SYT1: variants seen among roughly 807,000 people sequenced by gnomAD.
The protein encoded by SYT1 is synaptotagmin 1, also known as synaptotagmin-1.
SYT1 carries 8 observed loss-of-function variants against 44.8 expected under a neutral mutation model. The ratio of observed to expected loss-of-function variants is 0.18; its 90% CI spans 0.10 to 0.32. SYT1 has a LOEUF of 0.32. Ranked by LOEUF, SYT1 falls within the 10% of genes least tolerant of loss-of-function variation. The pLI, the probability that SYT1 is intolerant of heterozygous loss-of-function variation, is 1.00. For synonymous variants in SYT1, 154 were observed against 188.8 expected (o/e 0.82, Z 1.51); for missense variants, 286 against 509.3 (o/e 0.56, Z 4.22).
At chr12:78,914,251 A>G (rs1876514533) in intron 1 of SYT1, among the ~76,000 whole-genome samples, 1 of 151,864 alleles carries the variant, frequency 6.6e-6, no homozygotes, top group African/African-American at 2.4e-5. Context: ...TATTGCAGTG[A>G]AGATACCCTG....
intron 9 of SYT1, among the ~76,000 whole-genome samples, chr12:79,355,144 G>C (rs2136011455): frequency 6.6e-6 from 1 of 152,236 alleles, no homozygotes; most frequent in South Asian, 2.1e-4. Flanking sequence ...TCCACCGTCT[G>C]TCCCCTTCTC....
chr12:79,395,701 T>C (rs987985101), intron 9 of SYT1, among the ~76,000 whole-genome samples: 1 of 151,938 alleles, frequency 6.6e-6, no homozygotes, highest in African/African-American at 2.4e-5. Flanking sequence ...CAGACTTTGA[T>C]AGTAGTCTAC....
intron 8 of SYT1, among the ~76,000 whole-genome samples, chr12:79,310,907 G>C (rs966053419): frequency 7.9e-5 from 12 of 152,220 alleles, no homozygotes; most frequent in Non-Finnish European, 1.5e-4. Flanking sequence ...AGCTGAAGGA[G>C]ATTTTGGGCT....
At chr12:79,372,234 A>G (rs1276760667) in intron 9 of SYT1, among the ~76,000 whole-genome samples, 1 of 152,176 alleles carries the variant, frequency 6.6e-6, no homozygotes, top group African/African-American at 2.4e-5. Flanking sequence ...GTAGGCCCCC[A>G]TGAAGAAATT....
At chr12:79,215,147 G>T (rs1012819002) in intron 3 of SYT1, among the ~76,000 whole-genome samples, 1 of 152,110 alleles carries the variant, frequency 6.6e-6, no homozygotes, top group Non-Finnish European at 1.5e-5. Context: ...CTTCTGGGAC[G>T]TGACTTGAGT....
chr12:79,213,238 A>G (rs1874571508), intron 3 of SYT1, among the ~76,000 whole-genome samples: 1 of 152,178 alleles, frequency 6.6e-6, no homozygotes, highest in Non-Finnish European at 1.5e-5. Flanking sequence ...AGGCAGACAG[A>G]GTGTATATAC....
chr12:79,028,835 T>G (rs896989714), intron 2 of SYT1, among the ~76,000 whole-genome samples: 1 of 151,410 alleles, frequency 6.6e-6, no homozygotes, highest in South Asian at 2.1e-4. Context: ...AAAACTTCAC[T>G]TTACCCATGA....
intron 1 of SYT1, chr12:78,955,517 G>A (rs994483516): frequency 3.3e-5 from 5 of 152,114 alleles, no homozygotes; most frequent in African/African-American, 9.7e-5. Flanking sequence ...TCTGGTGAGA[G>A]CCCATTCCTT....
chr12:79,346,513 T>C (rs1882614134), intron 8 of SYT1, among the ~76,000 whole-genome samples: 1 of 152,170 alleles, frequency 6.6e-6, no homozygotes, highest in South Asian at 2.1e-4. Flanking sequence ...AAATTCCTAA[T>C]AGTAATAAGG....
At chr12:78,930,558 T>A (rs1025459068) in intron 1 of SYT1, among the ~76,000 whole-genome samples, 43 of 151,940 alleles carry the variant, frequency 2.8e-4, no homozygotes, top group African/African-American at 1.0e-3. Context: ...CCAAGAATGG[T>A]CATTCAATTT....
At chr12:79,423,833 G>A (rs1869267607) in intron 9 of SYT1, among the ~76,000 whole-genome samples, 1 of 151,878 alleles carries the variant, frequency 6.6e-6, no homozygotes, top group Non-Finnish European at 1.5e-5. Context: ...GAGAGAGGAA[G>A]GTGAGAGTGA....
At chr12:79,166,254 G>A (rs1217681174) in intron 3 of SYT1, among the ~76,000 whole-genome samples, 1 of 151,940 alleles carries the variant, frequency 6.6e-6, no homozygotes, top group Non-Finnish European at 1.5e-5. Context: ...AATTGTCAGA[G>A]TCAGTCTGTC....
chr12:79,119,479 G>A (rs76481057), intron 3 of SYT1, among the ~76,000 whole-genome samples: 1 of 148,010 alleles, frequency 6.8e-6, no homozygotes. Flanking sequence ...CACATAAGGT[G>A]TTTTTTTTTT....
At chr12:79,185,270 C>T (rs1188529675) in intron 3 of SYT1, among the ~76,000 whole-genome samples, 1 of 152,028 alleles carries the variant, frequency 6.6e-6, no homozygotes, top group Non-Finnish European at 1.5e-5. Flanking sequence ...AAATTAAATG[C>T]TACTTAAATT....
chr12:78,890,116 AT>A (rs146112032), intron 1 of SYT1, among the ~76,000 whole-genome samples: 4 of 151,960 alleles, frequency 2.6e-5, no homozygotes, highest in African/African-American at 9.6e-5. Context: ...CAAAAATAAT[AT>A]TTTTTTCTTT....
intron 2 of SYT1, among the ~76,000 whole-genome samples, chr12:79,012,099 T>A (rs2137575803): frequency 7.2e-6 from 1 of 138,142 alleles, no homozygotes; most frequent in Non-Finnish European, 1.5e-5. Flanking sequence ...CCCACTGCAC[T>A]CCAGCCTGGG....
intron 9 of SYT1, among the ~76,000 whole-genome samples, chr12:79,443,185 G>T (rs944919321): frequency 6.6e-6 from 1 of 152,022 alleles, no homozygotes. Context: ...AGTGTGTACC[G>T]GTCTCTTCTC....
intron 1 of SYT1, among the ~76,000 whole-genome samples, chr12:78,958,942 A>G (rs1399514): frequency 0.15 from 22,232 of 152,006 alleles, 1,956 homozygotes; most frequent in East Asian, 0.31. Flanking sequence ...GCTAACTCAA[A>G]CTTCATTCTT....
intron 3 of SYT1, among the ~76,000 whole-genome samples, chr12:79,152,138 A>G (rs1174503569): frequency 1.3e-5 from 2 of 152,168 alleles, no homozygotes; most frequent in Non-Finnish European, 2.9e-5. Flanking sequence ...AATTAAAATA[A>G]ACTTAGGAAA....
Sources: allele counts gnomAD v4.1 joint callset (sites outside exome capture counted in the v4.1 genomes callset), GRCh38; gene constraint gnomAD v4.1.1; transcripts MANE v1.5; gene names NCBI Gene and HGNC (gene_info 2026-07-23, HGNC 2026-07-21).